The following VCPKMT variants were observed in gnomAD, a reference collection of about 807,000 sequenced individuals.
VCPKMT encodes the protein valosin containing protein lysine methyltransferase.
In VCPKMT, 32 loss-of-function variants were observed where a neutral mutation model predicts 28.6. That is an observed-to-expected ratio of 1.12 (90% CI 0.84 to 1.50). VCPKMT has a LOEUF of 1.50. Among genes scored for constraint, VCPKMT ranks in the 40% most tolerant of loss-of-function variants. The probability of loss-of-function intolerance (pLI) is 0.00; values close to 1 mark genes in which losing one functional copy is unlikely to be tolerated. For synonymous variants in VCPKMT, 138 were observed against 111.4 expected (o/e 1.24, Z -1.50); for missense variants, 366 against 285.0 (o/e 1.28, Z -2.05).
intron 2 of VCPKMT, 70 bp downstream of exon 2, chr14:50,115,999 T>G: frequency 6.3e-7 from 1 of 1,593,680 alleles, no homozygotes; most frequent in Non-Finnish European, 8.6e-7. Flanking sequence ...CCTTCCATCC[T>G]TTTAATGAAA....
chr14:50,107,530 TCTCCAA>T (rs1247953767), downstream of VCPKMT, among the ~76,000 whole-genome samples: 7 of 152,136 alleles, frequency 4.6e-5, no homozygotes, highest in Non-Finnish European at 7.4e-5. Context: ...GCCAGGCTGG[TCTCCAA>T]CTCCCGACCT....
chr14:50,107,618 A>G (rs1043510938), downstream of VCPKMT, among the ~76,000 whole-genome samples: 1 of 152,182 alleles, frequency 6.6e-6, no homozygotes, highest in African/African-American at 2.4e-5. Context: ...TTGAATTACA[A>G]ATTTCCTCTA....
chr14:50,115,299 T>C (rs1349773070), intron 3 of VCPKMT, among the ~76,000 whole-genome samples: 2 of 152,000 alleles, frequency 1.3e-5, no homozygotes, highest in Admixed American at 6.6e-5. Context: ...ATTACAGACA[T>C]GCACCACCAC....
At chr14:50,105,675 A>G (rs1390976031), downstream of VCPKMT, among the ~76,000 whole-genome samples, 1 of 152,086 alleles carries the variant, frequency 6.6e-6, no homozygotes, top group Non-Finnish European at 1.5e-5. Flanking sequence ...TTCCAACTTC[A>G]CCAAACATAT....
At chr14:50,102,971 C>T in the VCPKMT span, among the ~76,000 whole-genome samples, 2 of 152,240 alleles carry the variant, frequency 1.3e-5, no homozygotes, top group Non-Finnish European at 2.9e-5. Context: ...TGCTCATGGG[C>T]CGCATATGGC....
chr14:50,108,698 T>C lies in VCPKMT; in HGVS notation c.*1001A>G. The C allele has an allele frequency of 1.0e-6, 1 of 985,858 alleles. No individual in the cohort carries two copies. Among genetic ancestry groups the C allele is most frequent in the Non-Finnish European group, 1.2e-6 (1 of 829,916 alleles). 61.1% of individuals were successfully genotyped at this position (985,858 alleles called of 1,614,324 possible). A position where few individuals can be genotyped will look rare whatever the true frequency, so the allele number is the denominator to read the frequency against. ...ACCATCTAGCACCAATGCCTATAAA[T>C]ACCAGAATTCCATCCGGTTACTACT... On this transcript the variant is annotated 3_prime_UTR_variant, in exon 6 of 6. Coordinates refer to ENST00000395860, the MANE Select transcript of VCPKMT (RefSeq NM_024558.3).
At position 50,116,432 on chromosome 14, in the gene VCPKMT, C is replaced by G; in HGVS notation, c.121G>C (p.Val41Leu). 1 of 1,614,032 alleles carries G rather than the reference C, an allele frequency of 6.2e-7. No individual in the cohort carries two copies. Among genetic ancestry groups the G allele is most frequent in the Non-Finnish European group, 8.5e-7 (1 of 1,179,960 alleles). ...QQYSSGGVGC[V>L]VWDAAIVLSK... ...AGGACAATGGCAGCGTCCCACACAA[C>G]GCAACCCACGCCACCGGAGCTATAC... The change falls in exon 1 of 6, where the codon GTT (valine) becomes CTT (leucine). Residue 41 changes from valine to leucine, a missense_variant. By Grantham distance (32) the Val-to-Leu change is conservative (BLOSUM62 1). Transcript: ENST00000395860.
At position 50,109,556 on chromosome 14, in the gene VCPKMT, TCATCATCTATA is replaced by T; in HGVS notation, c.*132_*142del. The stretch of plus-strand genomic sequence containing the variant: ...TCGTATTGCAGACAGCCCCTGGTGG[TCATCATCTATA>T]CATCGGATCTCTAAGGACGTGCCGG... On this transcript the variant is annotated 3_prime_UTR_variant, in exon 6 of 6. Coordinates refer to ENST00000395860, the MANE Select transcript of VCPKMT (RefSeq NM_024558.3). 7.3e-7 allele frequency: 1 copy of T among 1,366,850 alleles called. No individual in the cohort carries two copies. Among genetic ancestry groups the T allele is most frequent in the South Asian group, 1.9e-5 (1 of 53,274 alleles). 84.7% of individuals were successfully genotyped at this position (1,366,850 alleles called of 1,614,324 possible). A position where few individuals can be genotyped will look rare whatever the true frequency, so the allele number is the denominator to read the frequency against.
At chr14:50,114,955 T>C (rs983842772) in intron 3 of VCPKMT, among the ~76,000 whole-genome samples, 1 of 152,204 alleles carries the variant, frequency 6.6e-6, no homozygotes, top group African/African-American at 2.4e-5. Context: ...AGGATTCAGA[T>C]GACTGCATTT....
At chr14:50,107,047 C>A (rs186281057), downstream of VCPKMT, among the ~76,000 whole-genome samples, 41 of 152,306 alleles carry the variant, frequency 2.7e-4, 1 homozygote, top group Admixed American at 2.4e-3. Flanking sequence ...AGTGCAGGTA[C>A]AACTTGTTAT....
chr14:50,110,209 T>C (rs1175488359), intron 5 of VCPKMT, among the ~76,000 whole-genome samples: 1 of 152,192 alleles, frequency 6.6e-6, no homozygotes, highest in Admixed American at 6.5e-5. Context: ...ATCATGCCAC[T>C]GCACTCCAGA....
intron 5 of VCPKMT, chr14:50,111,898 A>G: frequency 2.0e-6 from 2 of 984,210 alleles, no homozygotes. Flanking sequence ...CAAAAAAAAA[A>G]AAGGATGAAG....
chr14:50,107,061 T>C (rs756372329), downstream of VCPKMT, among the ~76,000 whole-genome samples: 1 of 152,132 alleles, frequency 6.6e-6, no homozygotes, highest in African/African-American at 2.4e-5. Context: ...TTGTTATCTC[T>C]CCACATTCGA....
chr14:50,111,102 C>A, intron 5 of VCPKMT: 2 of 857,038 alleles, frequency 2.3e-6, no homozygotes, highest in Non-Finnish European at 2.8e-6. Context: ...CTAAAAACCA[C>A]CAAATTGTAC....
downstream of VCPKMT, chr14:50,106,548 A>G: frequency 4.1e-6 from 4 of 985,288 alleles, no homozygotes; most frequent in Non-Finnish European, 4.8e-6. Context: ...GGCAGAGTGC[A>G]TCTTCAATAC....
At chr14:50,105,673 T>A (rs1371655014), downstream of VCPKMT, among the ~76,000 whole-genome samples, 1 of 152,114 alleles carries the variant, frequency 6.6e-6, no homozygotes, top group Non-Finnish European at 1.5e-5. Context: ...ATTTCCAACT[T>A]CACCAAACAT....
At chr14:50,106,727 TG>T, downstream of VCPKMT, 1 of 838,758 alleles carries the variant, frequency 1.2e-6, no homozygotes, top group African/African-American at 1.8e-5. Flanking sequence ...CCTGCGGTTT[TG>T]TTTTTTTGAG....
At chr14:50,111,312 G>A (rs1448194142) in intron 5 of VCPKMT, 47 of 984,716 alleles carry the variant, frequency 4.8e-5, no homozygotes, top group Non-Finnish European at 5.7e-5. Context: ...AGTTTTTTTT[G>A]TATCTGTGGC....
rs1276408753 is a variant in VCPKMT at position 50,116,409 on chromosome 14, G to A, written c.144C>T (p.Val48=). 1 of 1,613,980 alleles carries A rather than the reference G, an allele frequency of 6.2e-7. No homozygotes were observed. Among genetic ancestry groups the A allele is most frequent in the Non-Finnish European group, 8.5e-7 (1 of 1,179,934 alleles). The part of the protein sequence containing the change: ...VGCVVWDAAI[V]LSKYLETPEF... ...CGGGCGTTTCCAGGTATTTAGAAAG[G>A]ACAATGGCAGCGTCCCACACAACGC... Residue 48 remains valine, a synonymous_variant, in exon 1 of 6, where the codon GTC becomes GTT. Transcript: ENST00000395860.
Sources: gnomAD v4.1 joint callset for allele counts (sites outside exome capture counted in the v4.1 genomes callset) on GRCh38, gnomAD v4.1.1 for gene constraint, MANE v1.5 for transcripts, NCBI Gene and HGNC (gene_info 2026-07-23, HGNC 2026-07-21) for gene names.